The following XYLT1 variants were observed in gnomAD, a reference collection of about 807,000 sequenced individuals.
The protein encoded by XYLT1 is xylosyltransferase 1.
In XYLT1, 36 loss-of-function variants were observed where a neutral mutation model predicts 91.3. That is an observed-to-expected ratio of 0.39 (90% CI 0.30 to 0.52). XYLT1 has a LOEUF of 0.52. XYLT1 is among the 20% of genes least tolerant of loss of function. The pLI is 0.68. For missense variants in XYLT1, 1,242 were observed against 1,284.5 expected, an observed-to-expected ratio of 0.97 and a Z score of 0.51; for synonymous variants, 588 against 532.0, an observed-to-expected ratio of 1.11 and a Z score of -1.45.
chr16:17,219,280 C>CAAAAAAAAAA (rs369055155), intron 3 of XYLT1, among the ~76,000 whole-genome samples: 3 of 85,066 alleles, frequency 3.5e-5, no homozygotes, highest in Non-Finnish European at 6.5e-5. Context: ...GACTTTGTCT[C>CAAAAAAAAAA]AAAAAAAAAA....
chr16:17,226,390 T>C lies in XYLT1; in HGVS notation c.914-25736A>G, dbSNP rs1322032269. 4.6e-5 allele frequency among the ~76,000 whole-genome samples: 7 copies of C among 152,306 alleles called. No individual in the cohort carries two copies. The East Asian group carries it at 1.2e-3, about 25-fold the overall frequency. ...GCACTATGGGCTGGATAACTCTCTA[T>C]TGGAGGTGACAGCAAGCTGTCCTGT... is the stretch of plus-strand genomic sequence containing the variant. On this transcript the variant is annotated intron_variant, in intron 3 of 11. Coordinates refer to ENST00000261381, the MANE Select transcript of XYLT1 (RefSeq NM_022166.4).
intron 2 of XYLT1, among the ~76,000 whole-genome samples, chr16:17,354,358 G>A (rs1009216075): frequency 6.6e-6 from 1 of 152,158 alleles, no homozygotes; most frequent in Non-Finnish European, 1.5e-5. Flanking sequence ...CATTAGAGGA[G>A]TCCTCAGCAG....
chr16:17,444,025 T>C (rs965637763), intron 1 of XYLT1, among the ~76,000 whole-genome samples: 3 of 152,162 alleles, frequency 2.0e-5, no homozygotes, highest in Non-Finnish European at 4.4e-5. Flanking sequence ...CCAGGCACAC[T>C]GGCCGTTCAT....
At chr16:17,286,526 C>T (rs1567357072) in intron 2 of XYLT1, among the ~76,000 whole-genome samples, 1 of 152,202 alleles carries the variant, frequency 6.6e-6, no homozygotes, top group South Asian at 2.1e-4. Context: ...CATGTGGATC[C>T]TTGATCAACA....
chr16:17,308,044 C>T (rs987540657), intron 2 of XYLT1, among the ~76,000 whole-genome samples: 3 of 152,206 alleles, frequency 2.0e-5, no homozygotes, highest in South Asian at 2.1e-4. Flanking sequence ...GGGATATACC[C>T]TCAGTGTGTC....
chr16:17,253,857 AGAGAGC>A (rs1567343071), intron 3 of XYLT1, among the ~76,000 whole-genome samples: 2 of 148,856 alleles, frequency 1.3e-5, no homozygotes, highest in African/African-American at 5.0e-5. Context: ...AGAGAGAGAG[AGAGAGC>A]GAGCCTGCAG....
chr16:17,437,025 C>T (rs1449452046), intron 1 of XYLT1, among the ~76,000 whole-genome samples: 3 of 152,124 alleles, frequency 2.0e-5, no homozygotes, highest in African/African-American at 7.2e-5. Flanking sequence ...AAATGATCCA[C>T]CTGCATTAGC....
chr16:17,143,751 C>T (rs2031049987), intron 6 of XYLT1, among the ~76,000 whole-genome samples: 1 of 151,866 alleles, frequency 6.6e-6, no homozygotes, highest in Non-Finnish European at 1.5e-5. Context: ...ATCACAATTT[C>T]CATTATCACC....
chr16:17,405,301 C>T (rs575462332), intron 1 of XYLT1, among the ~76,000 whole-genome samples: 6 of 152,318 alleles, frequency 3.9e-5, no homozygotes, highest in African/African-American at 9.6e-5. Flanking sequence ...GACACAAGGC[C>T]GGCTCAGTTC....
At chr16:17,139,271 G>T (rs757021833) in intron 7 of XYLT1, among the ~76,000 whole-genome samples, 1 of 152,118 alleles carries the variant, frequency 6.6e-6, no homozygotes, top group African/African-American at 2.4e-5. Context: ...GAAGCTGTTG[G>T]GGAATCTGTG....
At chr16:17,262,125 T>C (rs1157190889) in intron 2 of XYLT1, among the ~76,000 whole-genome samples, 1 of 152,158 alleles carries the variant, frequency 6.6e-6, no homozygotes, top group South Asian at 2.1e-4. Context: ...GTATTACTTA[T>C]AGGGTACTGA....
chr16:17,373,124 T>C (rs116437576), intron 1 of XYLT1, among the ~76,000 whole-genome samples: 101 of 152,338 alleles, frequency 6.6e-4, no homozygotes, highest in African/African-American at 2.3e-3. Context: ...ACCAGCACCT[T>C]GGATCATCCA....
At chr16:17,373,471 A>C (rs1397252760) in intron 1 of XYLT1, among the ~76,000 whole-genome samples, 1 of 152,258 alleles carries the variant, frequency 6.6e-6, no homozygotes, top group Non-Finnish European at 1.5e-5. Context: ...TTGTGAATAA[A>C]ACAAAGTTAC....
intron 2 of XYLT1, among the ~76,000 whole-genome samples, chr16:17,281,893 G>T (rs897235724): frequency 1.3e-5 from 2 of 152,158 alleles, no homozygotes; most frequent in Admixed American, 1.3e-4. Flanking sequence ...AGGGTTCTAT[G>T]GTTCTATGGG....
chr16:17,172,829 C>G (rs1567307235), intron 5 of XYLT1, among the ~76,000 whole-genome samples: 1 of 152,184 alleles, frequency 6.6e-6, no homozygotes, highest in Admixed American at 6.5e-5. Flanking sequence ...AGCTGGGTAT[C>G]ACTTTGAGTT....
chr16:17,227,948 G>A (rs2033095651), intron 3 of XYLT1: 1 of 152,196 alleles, frequency 6.6e-6, no homozygotes, highest in African/African-American at 2.4e-5. Flanking sequence ...GGGAATAACA[G>A]GGTTATTCAC....
rs186667661 is a variant in XYLT1, at chr16:17,324,754, A to C, written c.402+33258T>G. Among the ~76,000 whole-genome samples the C allele has an allele frequency of 1.5e-3, 227 of 152,350 alleles. 2 individuals carry two copies. Among genetic ancestry groups the C allele is most frequent in the African/African-American group, 3.7e-3 (154 of 41,584 alleles). ...TATTTAATGTGCACCACATGTTTTTAGTGAACAAATGCAGGCTTTCAGACA... is the reference window on the plus strand; with the variant it reads ...TATTTAATGTGCACCACATGTTTTTCGTGAACAAATGCAGGCTTTCAGACA... On this transcript the variant is annotated intron_variant, in intron 2 of 11. Coordinates refer to ENST00000261381, the MANE Select transcript of XYLT1 (RefSeq NM_022166.4).
intron 2 of XYLT1, among the ~76,000 whole-genome samples, chr16:17,271,938 A>G (rs2033900786): frequency 1.3e-5 from 2 of 152,270 alleles, no homozygotes; most frequent in African/African-American, 4.8e-5. Flanking sequence ...GGCTGGAGAA[A>G]GGGCCAGAGT....
At chr16:17,205,041 G>A (rs1389476014) in intron 3 of XYLT1, among the ~76,000 whole-genome samples, 2 of 149,994 alleles carry the variant, frequency 1.3e-5, no homozygotes, top group African/African-American at 4.9e-5. Flanking sequence ...AAAATAAGTG[G>A]AAAAATCAGA....
Sources: allele counts gnomAD v4.1 joint callset (sites outside exome capture counted in the v4.1 genomes callset), GRCh38; gene constraint gnomAD v4.1.1; transcripts MANE v1.5; gene names NCBI Gene and HGNC (gene_info 2026-07-23, HGNC 2026-07-21).